NFIA: variants seen among roughly 807,000 people sequenced by gnomAD.
The protein encoded by NFIA is nuclear factor I A, also known as nuclear factor 1 A-type.
Under a neutral mutation model 62.8 loss-of-function variants are expected in NFIA, and 8 were observed. The ratio of observed to expected loss-of-function variants is 0.13; its 90% confidence interval spans 0.07 to 0.23. The LOEUF is 0.23. Ranked by LOEUF, NFIA falls within the 10% of genes least tolerant of loss-of-function variation. The pLI is 1.00. For synonymous variants in NFIA, 235 were observed against 238.1 expected, an observed-to-expected ratio of 0.99 and a Z score of 0.12; for missense variants, 410 against 642.1, an observed-to-expected ratio of 0.64 and a Z score of 3.91.
intron 2 of NFIA, among the ~76,000 whole-genome samples, chr1:61,127,791 A>C (rs189304005): frequency 5.3e-5 from 8 of 152,278 alleles, no homozygotes; most frequent in African/African-American, 1.9e-4. Context: ...TACAGAGTTC[A>C]CTTTTTTCCC....
intron 3 of NFIA, among the ~76,000 whole-genome samples, chr1:61,282,117 G>T (rs1412801491): frequency 6.6e-6 from 1 of 152,168 alleles, no homozygotes; most frequent in Non-Finnish European, 1.5e-5. Context: ...AGCCAAAGCT[G>T]AGGGCTAGGT....
At position 61,112,716 on chromosome 1, in the gene NFIA, C is replaced by G. The variant is rs570322825; in HGVS notation, c.559+24036C>G. Among the ~76,000 whole-genome samples the G allele has an allele frequency of 3.9e-5, 6 of 152,256 alleles. No homozygotes were observed. In the South Asian group the frequency reaches 1.2e-3, roughly 32 times the overall value. ...ATTTAATAAACTATCTTCTTTAAAA[C>G]TCATTTAAAATTAGAGACATGTTTG... On this transcript the variant is annotated intron_variant, in intron 2 of 10. Coordinates refer to ENST00000403491, the MANE Select transcript of NFIA (RefSeq NM_001134673.4).
intron 2 of NFIA, among the ~76,000 whole-genome samples, chr1:61,266,724 G>T (rs1657194233): frequency 6.6e-6 from 1 of 152,026 alleles, no homozygotes; most frequent in Admixed American, 6.6e-5. Context: ...TTTCATCTTT[G>T]TATTTAAATT....
At chr1:61,334,884 C>T (rs1661518006) in intron 4 of NFIA, among the ~76,000 whole-genome samples, 1 of 151,924 alleles carries the variant, frequency 6.6e-6, no homozygotes, top group Non-Finnish European at 1.5e-5. Flanking sequence ...CCTGTCTTTC[C>T]TTTTAAGGTC....
At chr1:61,300,357 A>G (rs960038173) in intron 3 of NFIA, among the ~76,000 whole-genome samples, 3 of 152,124 alleles carry the variant, frequency 2.0e-5, no homozygotes, top group East Asian at 1.9e-4. Context: ...AGTAATAAGC[A>G]TATTGAATTT....
rs184097897 is a variant in NFIA at position 61,388,338 on chromosome 1, C to G, written c.1075+4973C>G. 7.0e-3 allele frequency among the ~76,000 whole-genome samples: 1,072 copies of G among 152,290 alleles called. 10 individuals carry two copies. The highest frequency in any genetic ancestry group is 0.024 in the African/African-American group (1,007 of 41,574). ...AATTGTAACCATAGTAAAGTATTTACTCATGACTATTTGTCTTATTCATGA... is the reference window on the plus strand; with the variant it reads ...AATTGTAACCATAGTAAAGTATTTAGTCATGACTATTTGTCTTATTCATGA... On this transcript the variant is annotated intron_variant, in intron 7 of 10. Coordinates refer to ENST00000403491, the MANE Select transcript of NFIA (RefSeq NM_001134673.4).
intron 2 of NFIA, among the ~76,000 whole-genome samples, chr1:61,112,557 T>A (rs1196650823): frequency 6.6e-6 from 1 of 152,182 alleles, no homozygotes; most frequent in Admixed American, 6.5e-5. Flanking sequence ...ATTGTCTTTT[T>A]GTTGTTGTTG....
At chr1:61,389,320 T>A (rs1664853565) in intron 7 of NFIA, among the ~76,000 whole-genome samples, 1 of 152,186 alleles carries the variant, frequency 6.6e-6, no homozygotes, top group Non-Finnish European at 1.5e-5. Flanking sequence ...CAGCTTATCC[T>A]GCCACTTTTT....
chr1:61,082,654 A>ATT lies in NFIA; in HGVS notation c.-130_-129dup. ...AATGTGAACGCAAGAAGCAGGCTTG[A>ATT]TTTTTTTTTCTCCCCCCTTCTCTCT... On this transcript the variant is annotated 5_prime_UTR_variant, in exon 1 of 11. Transcript: ENST00000403491. 6.7e-7 allele frequency: 1 copy of ATT among 1,503,556 alleles called. No homozygotes were observed. Among genetic ancestry groups the ATT allele is most frequent in the Non-Finnish European group, 8.9e-7 (1 of 1,120,352 alleles). 93.1% of individuals were successfully genotyped at this position (1,503,556 alleles called of 1,614,324 possible). A position where few individuals can be genotyped will look rare whatever the true frequency, so the allele number is the denominator to read the frequency against.
chr1:61,281,700 G>T (rs1658144398), intron 3 of NFIA, among the ~76,000 whole-genome samples: 1 of 152,214 alleles, frequency 6.6e-6, no homozygotes, highest in Non-Finnish European at 1.5e-5. Flanking sequence ...CTGGAAAGAA[G>T]AGACTTCTCC....
chr1:61,246,420 A>G (rs370031380), intron 2 of NFIA, among the ~76,000 whole-genome samples: 94 of 152,296 alleles, frequency 6.2e-4, no homozygotes, highest in African/African-American at 2.2e-3. Flanking sequence ...ACTCTTGATA[A>G]TCATTTACTA....
intron 2 of NFIA, among the ~76,000 whole-genome samples, chr1:61,184,605 T>C (rs1651024364): frequency 6.6e-6 from 1 of 152,212 alleles, no homozygotes; most frequent in East Asian, 1.9e-4. Flanking sequence ...GCTGAGAAAC[T>C]GGTGGACCGA....
At chr1:61,170,059 T>G (rs566609332) in intron 2 of NFIA, among the ~76,000 whole-genome samples, 8 of 152,300 alleles carry the variant, frequency 5.3e-5, no homozygotes, top group Non-Finnish European at 1.2e-4. Flanking sequence ...CATGGTAAAT[T>G]AGCACAGGTC....
chr1:61,358,379 C>CTT lies in NFIA; in HGVS notation c.819-744_819-743dup, dbSNP rs34853369. On this transcript the variant is annotated intron_variant, in intron 5 of 10. Transcript: ENST00000403491. Reference sequence around the variant, plus strand: ...TCATTTTCTTTTCTTTTCTTTCTTTCTTTTTTTTTTTTTTTTTTTTTTTTT... The same window carrying CTT: ...TCATTTTCTTTTCTTTTCTTTCTTTCTTTTTTTTTTTTTTTTTTTTTTTTTTT... Among the ~76,000 whole-genome samples, 324 of 52,506 alleles carry CTT rather than the reference C, an allele frequency of 6.2e-3. 1 individual carries two copies. The highest frequency in any genetic ancestry group is 0.024 in the Middle Eastern group (1 of 42). The allele number at this position is 52,506 out of a possible 152,430, so 34.4% of individuals were successfully genotyped here. A position where few individuals can be genotyped will look rare whatever the true frequency, so the allele number is the denominator to read the frequency against.
At chr1:61,321,225 AAAGT>A (rs1159743203) in intron 3 of NFIA, among the ~76,000 whole-genome samples, 3 of 151,846 alleles carry the variant, frequency 2.0e-5, no homozygotes, top group African/African-American at 2.4e-5. Flanking sequence ...AAATGGTGCT[AAAGT>A]AAGTGTTTAA....
chr1:61,310,733 C>T (rs150988383), intron 3 of NFIA, among the ~76,000 whole-genome samples: 4 of 127,728 alleles, frequency 3.1e-5, no homozygotes, highest in African/African-American at 9.3e-5. Flanking sequence ...CTTCCCCTCC[C>T]CTCTCATCCC....
chr1:61,435,815 T>A (rs1331634529), intron 10 of NFIA, among the ~76,000 whole-genome samples: 1 of 152,212 alleles, frequency 6.6e-6, no homozygotes, highest in Non-Finnish European at 1.5e-5. Context: ...AGACTGTTAA[T>A]AGGATCTGCC....
At chr1:61,261,984 T>G (rs1483112766) in intron 2 of NFIA, among the ~76,000 whole-genome samples, 1 of 152,218 alleles carries the variant, frequency 6.6e-6, no homozygotes, top group African/African-American at 2.4e-5. Context: ...AAATAGAAAC[T>G]TATATTTAAA....
intron 3 of NFIA, among the ~76,000 whole-genome samples, chr1:61,331,929 T>G (rs530139245): frequency 9.2e-5 from 14 of 152,334 alleles, no homozygotes; most frequent in African/African-American, 3.1e-4. Flanking sequence ...AAAAAAAATT[T>G]GGGGTGTATA....
Sources: allele counts gnomAD v4.1 joint callset (sites outside exome capture counted in the v4.1 genomes callset), GRCh38; gene constraint gnomAD v4.1.1; transcripts MANE v1.5; gene names NCBI Gene and HGNC (gene_info 2026-07-23, HGNC 2026-07-21).